Variants in OSBP2 observed in about 807,000 individuals in gnomAD.
OSBP2 encodes the protein oxysterol binding protein 2.
Under a neutral mutation model 96.0 loss-of-function variants are expected in OSBP2, and 66 were observed. The observed-to-expected ratio is 0.69, with a 90% CI of 0.56 to 0.84. The LOEUF (loss-of-function observed/expected upper bound fraction) is 0.84, where lower values mean the gene tolerates loss of function less well. Among genes scored for constraint, OSBP2 ranks in the 40% least tolerant of loss-of-function variants. The probability of loss-of-function intolerance (pLI) is 0.00; values close to 1 mark genes in which losing one functional copy is unlikely to be tolerated. For synonymous variants in OSBP2, 525 were observed against 520.9 expected (o/e 1.01, Z -0.11); for missense variants, 1,038 against 1,222.7 (o/e 0.85, Z 2.25).
At chr22:30,694,256 C>T (rs868455762), upstream of OSBP2, 25 of 1,549,732 alleles carry the variant, frequency 1.6e-5, no homozygotes, top group African/African-American at 3.1e-4. Flanking sequence ...TGGCATGAAC[C>T]GTAGGCCAGC....
At chr22:30,796,231 G>A (rs2090759091) in intron 2 of OSBP2, among the ~76,000 whole-genome samples, 1 of 152,182 alleles carries the variant, frequency 6.6e-6, no homozygotes, top group Admixed American at 6.5e-5. Context: ...GGTGACTGCT[G>A]AGGGAAATGC....
chr22:30,859,119 A>T (rs1465205393), intron 2 of OSBP2, among the ~76,000 whole-genome samples: 1 of 151,854 alleles, frequency 6.6e-6, no homozygotes, highest in Non-Finnish European at 1.5e-5. Context: ...ATTGATACCT[A>T]GAGGCAGCCG....
intron 3 of OSBP2, among the ~76,000 whole-genome samples, chr22:30,875,896 G>A (rs2147122234): frequency 6.6e-6 from 1 of 152,364 alleles, no homozygotes; most frequent in African/African-American, 2.4e-5. Context: ...GGACTCGCAG[G>A]GAACAGGCAA....
At chr22:30,699,966 CTTTTTTTT>C (rs1015256785) in intron 1 of OSBP2, among the ~76,000 whole-genome samples, 82 of 141,096 alleles carry the variant, frequency 5.8e-4, no homozygotes, top group African/African-American at 2.0e-3. Flanking sequence ...TTCTTTTTTT[CTTTTTTTT>C]TTTTTTGAGA....
chr22:30,894,634 C>T (rs945197910), intron 12 of OSBP2, among the ~76,000 whole-genome samples: 3 of 152,126 alleles, frequency 2.0e-5, no homozygotes, highest in Admixed American at 6.5e-5. Flanking sequence ...GCATTTCTAG[C>T]GAGAGTCCCA....
intron 1 of OSBP2, among the ~76,000 whole-genome samples, chr22:30,737,775 C>T (rs1002845565): frequency 9.2e-5 from 14 of 151,622 alleles, no homozygotes; most frequent in Non-Finnish European, 1.3e-4. Context: ...TGCAGTGGCA[C>T]GATCTCGGCT....
At chr22:30,902,109 AGAAAAAAAAAAAAAAC>A in intron 12 of OSBP2, 17 of 375,792 alleles carry the variant, frequency 4.5e-5, no homozygotes, top group South Asian at 8.4e-5. Context: ...TAGCAATATA[AGAAAAAAAAAAAAAAC>A]GAAAAAAAAA....
At chr22:30,722,034 A>G (rs1250347700) in intron 1 of OSBP2, among the ~76,000 whole-genome samples, 1 of 152,122 alleles carries the variant, frequency 6.6e-6, no homozygotes, top group East Asian at 1.9e-4. Flanking sequence ...AAGTATCCTG[A>G]ATTCTGTGGA....
intron 1 of OSBP2, among the ~76,000 whole-genome samples, chr22:30,709,460 G>A (rs1179762398): frequency 6.6e-6 from 1 of 151,996 alleles, no homozygotes; most frequent in Non-Finnish European, 1.5e-5. Flanking sequence ...CTTTTTTTGT[G>A]ATGTTAGCAG....
At chr22:30,811,620 TCGCAGCTCACTGCAACCTCTGC>T (rs1332336045) in intron 2 of OSBP2, among the ~76,000 whole-genome samples, 1 of 152,098 alleles carries the variant, frequency 6.6e-6, no homozygotes, top group Admixed American at 6.5e-5. Flanking sequence ...AATGACACAA[TCGCAGCTCACTGCAACCTCTGC>T]CTCCCAGGTT....
chr22:30,857,187 C>A (rs138701705), intron 2 of OSBP2, among the ~76,000 whole-genome samples: 24 of 152,334 alleles, frequency 1.6e-4, no homozygotes, highest in Non-Finnish European at 3.2e-4. Flanking sequence ...GGGGTGACTG[C>A]CCCCACTCAG....
At chr22:30,882,256 C>T (rs750971703) in intron 3 of OSBP2, among the ~76,000 whole-genome samples, 3 of 152,138 alleles carry the variant, frequency 2.0e-5, no homozygotes, top group Non-Finnish European at 4.4e-5. Context: ...TGAATATCTC[C>T]CAGGAACCTA....
intron 1 of OSBP2, among the ~76,000 whole-genome samples, chr22:30,703,516 C>A (rs1268679353): frequency 1.3e-5 from 2 of 151,246 alleles, no homozygotes; most frequent in Non-Finnish European, 2.9e-5. Context: ...CACTCTGTTG[C>A]CCAGGCTGGA....
At chr22:30,758,752 C>T (rs1374525277) in intron 2 of OSBP2, among the ~76,000 whole-genome samples, 1 of 152,152 alleles carries the variant, frequency 6.6e-6, no homozygotes, top group African/African-American at 2.4e-5. Context: ...GAGGGAACCC[C>T]TGTTCCATTT....
rs977024705 is a variant in OSBP2 at position 30,906,461 on chromosome 22, C to A, written c.*122C>A. 52 of 1,258,498 alleles carry A rather than the reference C, an allele frequency of 4.1e-5. No homozygotes were observed. The highest frequency in any genetic ancestry group is 5.5e-5 in the Non-Finnish European group (52 of 950,206). 78.0% of individuals were successfully genotyped at this position (1,258,498 alleles called of 1,614,324 possible). The stretch of plus-strand genomic sequence containing the variant: ...ATTCCCAGCCCTTCCTATTTCCTTT[C>A]CTATTTTTTTTTTCTCCCCACACTT... On this transcript the variant is annotated 3_prime_UTR_variant, in exon 14 of 14. Transcript: ENST00000332585.
At chr22:30,796,475 A>G (rs1257646159) in intron 2 of OSBP2, among the ~76,000 whole-genome samples, 1 of 152,134 alleles carries the variant, frequency 6.6e-6, no homozygotes, top group African/African-American at 2.4e-5. Flanking sequence ...GCTTTAGATA[A>G]GAACCATTGG....
At chr22:30,780,591 G>T (rs866966120) in intron 2 of OSBP2, among the ~76,000 whole-genome samples, 1 of 152,150 alleles carries the variant, frequency 6.6e-6, no homozygotes, top group Non-Finnish European at 1.5e-5. Flanking sequence ...TCCACCTCCC[G>T]GGTTCAAGCA....
chr22:30,776,115 C>CTTTT (rs66689098), intron 2 of OSBP2, among the ~76,000 whole-genome samples: 2 of 139,506 alleles, frequency 1.4e-5, no homozygotes, highest in African/African-American at 2.7e-5. Flanking sequence ...TTTTTCTTTT[C>CTTTT]TTTTTTTTTT....
At chr22:30,701,360 T>C (rs1280317477) in intron 1 of OSBP2, among the ~76,000 whole-genome samples, 3 of 150,050 alleles carry the variant, frequency 2.0e-5, no homozygotes, top group African/African-American at 4.9e-5. Flanking sequence ...TTTTTTTTTT[T>C]TGAGACAGAG....
Sources: gnomAD v4.1 joint callset for allele counts (sites outside exome capture counted in the v4.1 genomes callset) on GRCh38, gnomAD v4.1.1 for gene constraint, MANE v1.5 for transcripts, NCBI Gene and HGNC (gene_info 2026-07-23, HGNC 2026-07-21) for gene names.